CUBN: variants seen among roughly 807,000 people sequenced by gnomAD.
CUBN encodes 460 kDa receptor.
Under a neutral mutation model 405.3 loss-of-function variants are expected in CUBN, and 282 were observed. The ratio of observed to expected loss-of-function variants is 0.70; its 90% confidence interval spans 0.63 to 0.77. The LOEUF (loss-of-function observed/expected upper bound fraction) is 0.77. Ranked by LOEUF, CUBN falls within the 30% of genes least tolerant of loss-of-function variation. The probability of loss-of-function intolerance (pLI) is 0.00; values close to 1 mark genes in which losing one functional copy is unlikely to be tolerated. For synonymous variants in CUBN, 1,684 were observed against 1,617.0 expected (o/e 1.04, Z -0.99); for missense variants, 4,514 against 4,475.2 (o/e 1.01, Z -0.25).
chr10:17,053,154 A>G (rs1835312391), intron 22 of CUBN, among the ~76,000 whole-genome samples: 1 of 152,118 alleles, frequency 6.6e-6, no homozygotes, highest in Admixed American at 6.6e-5. Context: ...CAAAATGAAG[A>G]CAGAATAATG....
chr10:16,842,188 G>C (rs1038330664), intron 60 of CUBN, among the ~76,000 whole-genome samples: 2 of 151,804 alleles, frequency 1.3e-5, no homozygotes, highest in African/African-American at 4.8e-5. Context: ...GGGACTACAG[G>C]TGCATGCCAC....
chr10:16,957,453 TG>T (rs1303256274), intron 31 of CUBN, among the ~76,000 whole-genome samples: 2 of 152,204 alleles, frequency 1.3e-5, no homozygotes, highest in Non-Finnish European at 2.9e-5. Flanking sequence ...TAAGTCTTTT[TG>T]TCTTCAAGAG....
At chr10:17,081,446 C>T (rs1835965335) in intron 17 of CUBN, among the ~76,000 whole-genome samples, 1 of 152,156 alleles carries the variant, frequency 6.6e-6, no homozygotes, top group African/African-American at 2.4e-5. Flanking sequence ...CAACCCCCCT[C>T]TAAACCACCA....
intron 28 of CUBN, among the ~76,000 whole-genome samples, chr10:17,016,423 T>C (rs1313733119): frequency 6.6e-6 from 1 of 152,160 alleles, no homozygotes; most frequent in Non-Finnish European, 1.5e-5. Flanking sequence ...ACCAGGTATC[T>C]CCAAACTCTT....
intron 28 of CUBN, among the ~76,000 whole-genome samples, chr10:17,013,462 G>C (rs543635966): frequency 1.3e-5 from 2 of 151,556 alleles, no homozygotes; most frequent in South Asian, 4.2e-4. Context: ...CCTTTCTGCT[G>C]GTCTTTCCCT....
At position 17,067,975 on chromosome 10, in the gene CUBN, AAC is replaced by A. The variant is rs79364985; in HGVS notation, c.3008+87_3008+88del. 0.22 allele frequency: 228,672 copies of A among 1,049,058 alleles called. 27,953 individuals are homozygous for A. The highest frequency in any genetic ancestry group is 0.44 in the African/African-American group (27,718 of 63,402). 65.0% of individuals were successfully genotyped at this position (1,049,058 alleles called of 1,614,324 possible). A position where few individuals can be genotyped will look rare whatever the true frequency, so the allele number is the denominator to read the frequency against. On this transcript the variant is annotated intron_variant, in intron 21 of 66. Transcript: ENST00000377833. ...CATGAGGATCTCACCTGGTTTTCAT[AAC>A]ACAACGTGGTCAATTTTAAGATCCT... is the stretch of plus-strand genomic sequence containing the variant.
At chr10:17,052,240 C>T (rs1172475505) in intron 22 of CUBN, among the ~76,000 whole-genome samples, 2 of 152,048 alleles carry the variant, frequency 1.3e-5, no homozygotes, top group Non-Finnish European at 2.9e-5. Flanking sequence ...CAAACAGAAG[C>T]TGACATAATT....
At chr10:16,949,837 C>A (rs563969805) in intron 34 of CUBN, among the ~76,000 whole-genome samples, 164 bp downstream of exon 34, 1 of 152,196 alleles carries the variant, frequency 6.6e-6, no homozygotes. Flanking sequence ...CTGAACCCCA[C>A]ATTCAAGCCT....
intron 29 of CUBN, 81 bp from the exon 30 acceptor site, chr10:16,984,360 C>A: frequency 7.5e-7 from 1 of 1,327,664 alleles, no homozygotes; most frequent in South Asian, 1.2e-5. Context: ...TTTTGACCCC[C>A]GGCTCCTTGG....
chr10:16,918,544 C>A, intron 45 of CUBN, 78 bp downstream of exon 45: 1 of 1,120,598 alleles, frequency 8.9e-7, no homozygotes, highest in South Asian at 1.3e-5. Context: ...AACAAACCCC[C>A]AAACACGAAT....
At chr10:17,045,583 C>A (rs1014943176) in intron 24 of CUBN, among the ~76,000 whole-genome samples, 7 of 151,876 alleles carry the variant, frequency 4.6e-5, no homozygotes, top group Non-Finnish European at 7.4e-5. Context: ...TTAGTAGAGA[C>A]TATGTTGGCC....
chr10:17,025,690 A>G (rs1221722836), intron 27 of CUBN, among the ~76,000 whole-genome samples: 1 of 152,212 alleles, frequency 6.6e-6, no homozygotes, highest in African/African-American at 2.4e-5. Flanking sequence ...GCTGACTCAC[A>G]TAAAAGAGTT....
At chr10:16,865,268 C>G (rs543882350) in intron 59 of CUBN, among the ~76,000 whole-genome samples, 7 of 152,212 alleles carry the variant, frequency 4.6e-5, no homozygotes, top group Admixed American at 4.6e-4. Context: ...CCGTGCCCAG[C>G]CTACCTGAAC....
intron 6 of CUBN, among the ~76,000 whole-genome samples, chr10:17,121,722 G>C (rs1195030604): frequency 6.6e-6 from 1 of 151,916 alleles, no homozygotes; most frequent in Non-Finnish European, 1.5e-5. Context: ...AAAAAATAGT[G>C]ATGGTTTAAA....
intron 59 of CUBN, among the ~76,000 whole-genome samples, chr10:16,864,453 T>C (rs967060866): frequency 6.6e-5 from 10 of 152,074 alleles, no homozygotes; most frequent in South Asian, 2.1e-4. Flanking sequence ...TCTTTCACTC[T>C]GACAGCTAAG....
rs558892564 is a variant in CUBN at position 16,824,736 on chromosome 10, TC to T, written c.*238del. ...GGTTTCACCATGCTGGCCAGGCTAG[TC>T]TCAAACTCCTGACCTCAGGTGATCA... is the stretch of plus-strand genomic sequence containing the variant. On this transcript the variant is annotated 3_prime_UTR_variant, in exon 67 of 67. Coordinates refer to ENST00000377833, the MANE Select transcript of CUBN (RefSeq NM_001081.4). 569 of 449,618 alleles carry T rather than the reference TC, an allele frequency of 1.3e-3. 3 individuals carry two copies. The highest frequency in any genetic ancestry group is 0.01 in the African/African-American group (525 of 50,136). 27.9% of individuals were successfully genotyped at this position (449,618 alleles called of 1,614,324 possible).
At chr10:16,828,052 T>C (rs1838843040) in intron 66 of CUBN, among the ~76,000 whole-genome samples, 2 of 152,246 alleles carry the variant, frequency 1.3e-5, no homozygotes, top group Admixed American at 1.3e-4. Flanking sequence ...TCTGCAATTT[T>C]CAGCAAGAAG....
chr10:16,986,073 A>ATGCTGAC (rs1328682011), intron 29 of CUBN, among the ~76,000 whole-genome samples: 2 of 152,346 alleles, frequency 1.3e-5, no homozygotes, highest in African/African-American at 4.8e-5. Flanking sequence ...CAAATAGAAG[A>ATGCTGAC]TGCTGACTCC....
At chr10:16,923,838 A>G (rs79458926) in intron 43 of CUBN, among the ~76,000 whole-genome samples, 2,459 of 152,302 alleles carry the variant, frequency 0.016, 59 homozygotes, top group African/African-American at 0.056. Flanking sequence ...TTGGGAAGCC[A>G]AGGCAGGTGG....
Sources: gnomAD v4.1 joint callset for allele counts (sites outside exome capture counted in the v4.1 genomes callset) on GRCh38, gnomAD v4.1.1 for gene constraint, MANE v1.5 for transcripts, NCBI Gene and HGNC (gene_info 2026-07-23, HGNC 2026-07-21) for gene names.